DCC: variants seen among roughly 807,000 people sequenced by gnomAD.
DCC encodes the protein DCC netrin 1 receptor.
DCC carries 58 observed loss-of-function variants against 172.5 expected under a neutral mutation model. That is an observed-to-expected ratio of 0.34 (90% CI 0.27 to 0.42). DCC has a LOEUF of 0.42. DCC is among the 10% of genes least tolerant of loss of function. The probability of loss-of-function intolerance (pLI) is 1.00; values close to 1 mark genes in which losing one functional copy is unlikely to be tolerated. For missense variants in DCC, 1,740 were observed against 1,791.0 expected, an observed-to-expected ratio of 0.97 and a Z score of 0.51; for synonymous variants, 709 against 644.5, an observed-to-expected ratio of 1.10 and a Z score of -1.52.
intron 14 of DCC, among the ~76,000 whole-genome samples, chr18:53,336,249 A>G (rs1394949562): frequency 6.6e-6 from 1 of 152,212 alleles, no homozygotes; most frequent in Non-Finnish European, 1.5e-5. Flanking sequence ...AGCAAGTAAT[A>G]GTCATATTAT....
intron 5 of DCC, among the ~76,000 whole-genome samples, chr18:52,983,102 T>C (rs941434321): frequency 1.3e-4 from 20 of 152,146 alleles, no homozygotes; most frequent in African/African-American, 4.3e-4. Context: ...GATTCTAATA[T>C]GGGAAATCAC....
intron 7 of DCC, among the ~76,000 whole-genome samples, chr18:53,078,259 C>T (rs1568288909): frequency 6.6e-6 from 1 of 152,006 alleles, no homozygotes; most frequent in South Asian, 2.1e-4. Flanking sequence ...CCACTGCACT[C>T]CAGCCTGGGC....
At chr18:53,006,175 A>G (rs1173502593) in intron 5 of DCC, among the ~76,000 whole-genome samples, 1 of 152,236 alleles carries the variant, frequency 6.6e-6, no homozygotes, top group Admixed American at 6.5e-5. Context: ...TGACATAAAG[A>G]TCACAGAAAA....
chr18:53,397,321 C>T lies in DCC; in HGVS notation c.2702C>T (p.Thr901Ile), dbSNP rs1909016516. ...ASAKYKSEDT[T>I]SLSYTATGLK... ...CTACTTGTATAGTCAGAAGACACAA[C>T]ATCTCTAAGTTACACAGCAACAGGC... Residue 901 changes from threonine (T) to isoleucine (I), a missense_variant, in exon 18 of 29, where the codon ACA (threonine) becomes ATA (isoleucine). Physicochemically the swap from Thr to Ile is moderately conservative, Grantham distance 89 (BLOSUM62 -1). Coordinates refer to ENST00000442544, the MANE Select transcript of DCC (RefSeq NM_005215.4). 1 of 1,613,458 alleles carries T rather than the reference C, an allele frequency of 6.2e-7. No individual in the cohort carries two copies. Among genetic ancestry groups the T allele is most frequent in the African/African-American group, 1.3e-5 (1 of 74,816 alleles).
intron 21 of DCC, among the ~76,000 whole-genome samples, chr18:53,428,254 A>C (rs1911188870): frequency 2.6e-5 from 1 of 39,004 alleles, no homozygotes; most frequent in South Asian, 6.8e-4. Context: ...TTATATATTT[A>C]ATAATATATT....
intron 1 of DCC, among the ~76,000 whole-genome samples, chr18:52,496,473 G>A (rs1455868450): frequency 1.3e-5 from 2 of 152,088 alleles, no homozygotes; most frequent in Non-Finnish European, 2.9e-5. Flanking sequence ...GCCTTAAAAT[G>A]CCAGGTTTTA....
intron 11 of DCC, among the ~76,000 whole-genome samples, chr18:53,210,530 T>G (rs2055733782): frequency 6.6e-6 from 1 of 152,180 alleles, no homozygotes. Flanking sequence ...TCTTCCTGAG[T>G]AAATATTTAT....
chr18:52,910,383 G>T (rs1427486945), intron 3 of DCC, among the ~76,000 whole-genome samples: 2 of 152,012 alleles, frequency 1.3e-5, no homozygotes, highest in Non-Finnish European at 2.9e-5. Flanking sequence ...TTTCATTAAA[G>T]GTAGGAAAAT....
chr18:52,440,039 T>C (rs910421840), intron 1 of DCC, among the ~76,000 whole-genome samples: 5 of 152,200 alleles, frequency 3.3e-5, no homozygotes, highest in Non-Finnish European at 7.3e-5. Flanking sequence ...TGTTCAGGAA[T>C]AGGGGTTGGA....
intron 1 of DCC, among the ~76,000 whole-genome samples, chr18:52,421,015 T>C (rs972937): frequency 0.99 from 150,873 of 152,256 alleles, 74,751 homozygotes; most frequent in East Asian, 1. Context: ...TATTATTACT[T>C]TTGCTAAGTC....
At chr18:53,218,732 A>G (rs2055889002) in intron 12 of DCC, among the ~76,000 whole-genome samples, 1 of 152,158 alleles carries the variant, frequency 6.6e-6, no homozygotes, top group African/African-American at 2.4e-5. Flanking sequence ...GGTTTATGAA[A>G]TGGACTTTAA....
At chr18:53,194,750 G>A (rs548627767) in intron 9 of DCC, among the ~76,000 whole-genome samples, 1 of 152,300 alleles carries the variant, frequency 6.6e-6, no homozygotes, top group East Asian at 1.9e-4. Context: ...GATTACAGGT[G>A]TGAGCCACCA....
chr18:52,591,484 G>A (rs914201097), intron 1 of DCC, among the ~76,000 whole-genome samples: 2 of 151,900 alleles, frequency 1.3e-5, no homozygotes, highest in African/African-American at 4.8e-5. Context: ...ACTTTTAAGT[G>A]TGAGGTCATT....
At chr18:53,097,882 C>T (rs1458726582) in intron 7 of DCC, among the ~76,000 whole-genome samples, 24 of 152,128 alleles carry the variant, frequency 1.6e-4, no homozygotes, top group Admixed American at 1.6e-3. Context: ...GGATTAGAGT[C>T]TCACTGTTGT....
intron 26 of DCC, among the ~76,000 whole-genome samples, chr18:53,489,965 C>G (rs1466472530): frequency 6.6e-6 from 1 of 152,132 alleles, no homozygotes; most frequent in African/African-American, 2.4e-5. Context: ...GGCCTCATTT[C>G]TACAAATCAG....
chr18:52,474,367 G>A (rs1989036901), intron 1 of DCC, among the ~76,000 whole-genome samples: 1 of 152,084 alleles, frequency 6.6e-6, no homozygotes. Flanking sequence ...CATTAAAAGA[G>A]GGATAAAGGA....
chr18:53,392,098 T>C (rs1393333), intron 17 of DCC, among the ~76,000 whole-genome samples: 64,592 of 152,008 alleles, frequency 0.42, 15,492 homozygotes, highest in Non-Finnish European at 0.55. Context: ...AAACATCAAG[T>C]GCTGTAAAAC....
At chr18:53,345,368 C>T (rs2057711310) in intron 15 of DCC, among the ~76,000 whole-genome samples, 1 of 152,034 alleles carries the variant, frequency 6.6e-6, no homozygotes, top group Non-Finnish European at 1.5e-5. Context: ...ACATAGAAAC[C>T]TGCAACTGCA....
rs1232175532 is a variant in DCC, at chr18:52,923,855, C to T, written c.846C>T (p.Leu282=). ...TWLRGEEVIQ[L]RSKKYSLLGG... is the part of the protein sequence containing the mutation. ...TACGAGGCGAGGAAGTCATCCAACT[C>T]AGGTATTTCACATTTAAGACTTTTT... The change falls in exon 4 of 29, where the codon CTC becomes CTT. Residue 282 remains leucine (L), a splice_region_variant and synonymous_variant. Transcript: ENST00000442544. 3 of 1,612,462 alleles carry T rather than the reference C, an allele frequency of 1.9e-6. No individual in the cohort carries two copies. Among genetic ancestry groups the T allele is most frequent in the South Asian group, 1.1e-5 (1 of 91,074 alleles).
Sources: gnomAD v4.1 joint callset for allele counts (sites outside exome capture counted in the v4.1 genomes callset) on GRCh38, gnomAD v4.1.1 for gene constraint, MANE v1.5 for transcripts, NCBI Gene and HGNC (gene_info 2026-07-23, HGNC 2026-07-21) for gene names.